The following MSH3 variants were observed in gnomAD, a reference collection of about 807,000 sequenced individuals.
MSH3 encodes mutS homolog 3.
In MSH3, 106 loss-of-function variants were observed where a neutral mutation model predicts 123.3. The ratio of observed to expected loss-of-function variants is 0.86; its 90% CI spans 0.73 to 1.01. The LOEUF (loss-of-function observed/expected upper bound fraction) is 1.01, where lower values mean the gene tolerates loss of function less well. MSH3 is among the 50% of genes least tolerant of loss of function. The pLI is 0.00. For missense variants in MSH3, 1,459 were observed against 1,347.6 expected (o/e 1.08, Z -1.29); for synonymous variants, 515 against 481.4 (o/e 1.07, Z -0.91).
chr5:80,792,877 A>G lies in MSH3; in HGVS notation c.2655+33A>G, dbSNP rs565644149. ...CCTTATGCCAAAAAATAAGTCGATG[A>G]TAACATCCCAAACTTTTACATACCA... is the stretch of plus-strand genomic sequence containing the variant. On this transcript the variant is annotated intron_variant, in intron 19 of 23. Transcript: ENST00000265081. The G allele has an allele frequency of 5.2e-6, 7 of 1,350,562 alleles. No individual in the cohort carries two copies. In the African/African-American group the frequency reaches 7.2e-5, roughly 14 times the overall value. 83.7% of individuals were successfully genotyped at this position (1,350,562 alleles called of 1,614,324 possible). A position where few individuals can be genotyped will look rare whatever the true frequency, so the allele number is the denominator to read the frequency against.
intron 13 of MSH3, among the ~76,000 whole-genome samples, chr5:80,766,531 G>C (rs1435137170): frequency 6.6e-6 from 1 of 151,880 alleles, no homozygotes; most frequent in East Asian, 1.9e-4. Context: ...TTTTAGTAGA[G>C]ATGGGGTTTC....
chr5:80,824,246 G>C (rs1366390637), intron 20 of MSH3, among the ~76,000 whole-genome samples: 1 of 152,082 alleles, frequency 6.6e-6, no homozygotes, highest in Non-Finnish European at 1.5e-5. Flanking sequence ...GGGCAGAGGG[G>C]CTCCTCACTT....
intron 10 of MSH3, 60 bp from the exon 11 acceptor site, chr5:80,741,404 T>C: frequency 9.2e-7 from 1 of 1,082,920 alleles, no homozygotes; most frequent in South Asian, 1.3e-5. Flanking sequence ...AGTTCCTGAA[T>C]TAGTTTTTTA....
chr5:80,863,194 G>A (rs917853973), intron 21 of MSH3, among the ~76,000 whole-genome samples: 11 of 152,138 alleles, frequency 7.2e-5, no homozygotes, highest in South Asian at 4.1e-4. Context: ...TCCTGGTATC[G>A]ACGAAAAGAG....
chr5:80,748,738 A>G (rs1743772081), intron 12 of MSH3, among the ~76,000 whole-genome samples: 2 of 148,858 alleles, frequency 1.3e-5, no homozygotes, highest in Admixed American at 6.7e-5. Flanking sequence ...ACACACCCAT[A>G]TGTATGTCAT....
At chr5:80,726,782 C>T (rs1002840180) in intron 9 of MSH3, among the ~76,000 whole-genome samples, 1 of 152,134 alleles carries the variant, frequency 6.6e-6, no homozygotes, top group African/African-American at 2.4e-5. Context: ...GTGTATCCCA[C>T]TTCTAACACC....
At chr5:80,745,325 A>G (rs1231185262) in intron 12 of MSH3, among the ~76,000 whole-genome samples, 1 of 152,198 alleles carries the variant, frequency 6.6e-6, no homozygotes, top group Non-Finnish European at 1.5e-5. Flanking sequence ...ATAAATTTGG[A>G]GATTCTGACC....
At chr5:80,811,141 C>A (rs1745001436) in intron 19 of MSH3, among the ~76,000 whole-genome samples, 1 of 152,046 alleles carries the variant, frequency 6.6e-6, no homozygotes. Context: ...TTTTTGAATA[C>A]TGAAGTTGTA....
intron 10 of MSH3, among the ~76,000 whole-genome samples, chr5:80,737,728 A>T (rs1345961247): frequency 6.6e-6 from 1 of 152,172 alleles, no homozygotes; most frequent in Admixed American, 6.5e-5. Context: ...TTGCATTTCT[A>T]TTGGGAAGGA....
chr5:80,707,343 C>T (rs1242389707), intron 8 of MSH3, among the ~76,000 whole-genome samples: 4 of 152,196 alleles, frequency 2.6e-5, no homozygotes, highest in Non-Finnish European at 4.4e-5. Context: ...GTGTACTAGT[C>T]TTCTCACAGA....
intron 10 of MSH3, among the ~76,000 whole-genome samples, chr5:80,735,636 A>AGCCGACATCGTACCACT (rs1419429412): frequency 8.5e-5 from 13 of 152,182 alleles, no homozygotes; most frequent in African/African-American, 2.9e-4. Context: ...GGTTGCAGTG[A>AGCCGACATCGTACCACT]GCCGACATCG....
intron 8 of MSH3, among the ~76,000 whole-genome samples, chr5:80,685,325 A>G (rs1226542363): frequency 7.0e-6 from 1 of 143,474 alleles, no homozygotes; most frequent in African/African-American, 2.6e-5. Flanking sequence ...GGGAGACTTT[A>G]TTATGGCTTC....
At chr5:80,850,314 T>G (rs984528299) in intron 20 of MSH3, among the ~76,000 whole-genome samples, 4 of 152,164 alleles carry the variant, frequency 2.6e-5, no homozygotes, top group African/African-American at 9.7e-5. Flanking sequence ...TCTGTCTGTT[T>G]CCCAGTTCCA....
At position 80,678,989 on chromosome 5, in the gene MSH3, A is replaced by G. The variant is rs1749903693; in HGVS notation, c.1236A>G (p.Ser412=). ...GTTTCCAGGACTCTGCTTCTCGTTC[A>G]GAGCTAGAAACCCGGATGTCAAGCC... is the stretch of plus-strand genomic sequence containing the variant. ...FDSFQDSASR[S]ELETRMSSLQ... Residue 412 remains serine, a synonymous_variant, in exon 8 of 24, where the codon TCA becomes TCG. Transcript: ENST00000265081. The G allele has an allele frequency of 6.2e-7, 1 of 1,614,184 alleles. No homozygotes were observed. Among genetic ancestry groups the G allele is most frequent in the Non-Finnish European group, 8.5e-7 (1 of 1,180,020 alleles).
intron 8 of MSH3, among the ~76,000 whole-genome samples, chr5:80,690,708 A>T (rs899009484): frequency 2.0e-5 from 3 of 152,210 alleles, no homozygotes; most frequent in African/African-American, 7.2e-5. Flanking sequence ...TTAAACATAA[A>T]CAGAAATGCA....
In MSH3 at chr5:80,692,021, A is replaced by C. The variant is rs897949216; in HGVS notation, c.1340+12928A>C. ...GATAGATAAACATGTATATGTTTAGATAGATAAACAGTATGTTTAGATAGA... is the reference window on the plus strand; with the variant it reads ...GATAGATAAACATGTATATGTTTAGCTAGATAAACAGTATGTTTAGATAGA... On this transcript the variant is annotated intron_variant, in intron 8 of 23. Coordinates refer to ENST00000265081, the MANE Select transcript of MSH3 (RefSeq NM_002439.5). Among the ~76,000 whole-genome samples the C allele has an allele frequency of 1.9e-5, 2 of 107,488 alleles. 1 individual carries two copies. The highest frequency in any genetic ancestry group is 6.0e-5 in the African/African-American group (2 of 33,382). The allele number at this position is 107,488 out of a possible 152,430, so 70.5% of individuals were successfully genotyped here.
intron 2 of MSH3, 52 bp from the exon 3 acceptor site, chr5:80,665,091 T>C: frequency 7.0e-7 from 1 of 1,432,286 alleles, no homozygotes; most frequent in South Asian, 1.2e-5. Context: ...TGAATTGACA[T>C]AATGAGACCA....
At chr5:80,706,937 G>A (rs1750737582) in intron 8 of MSH3, among the ~76,000 whole-genome samples, 1 of 152,172 alleles carries the variant, frequency 6.6e-6, no homozygotes, top group Admixed American at 6.5e-5. Flanking sequence ...AATTTTGACA[G>A]ATACACACAT....
chr5:80,765,244 A>G (rs1248632305), intron 13 of MSH3, among the ~76,000 whole-genome samples: 2 of 152,226 alleles, frequency 1.3e-5, no homozygotes, highest in African/African-American at 4.8e-5. Context: ...TTGGGATTAC[A>G]ATAATCATAA....
Sources: allele counts gnomAD v4.1 joint callset (sites outside exome capture counted in the v4.1 genomes callset), GRCh38; gene constraint gnomAD v4.1.1; transcripts MANE v1.5; gene names NCBI Gene and HGNC (gene_info 2026-07-23, HGNC 2026-07-21).